Variants in CDIN1 observed in about 807,000 individuals in gnomAD.
The protein encoded by CDIN1 is CDAN1 interacting nuclease 1, also known as CDAN1-interacting nuclease 1.
A neutral mutation model predicts 45.3 loss-of-function variants in CDIN1; 33 were observed. That is an observed-to-expected ratio of 0.73 (90% confidence interval 0.55 to 0.97). The LOEUF is 0.97. CDIN1 is among the 50% of genes least tolerant of loss of function. The pLI is 0.00. For synonymous variants in CDIN1, 118 were observed against 124.4 expected, an observed-to-expected ratio of 0.95 and a Z score of 0.34; for missense variants, 303 against 339.4, an observed-to-expected ratio of 0.89 and a Z score of 0.84.
chr15:36,580,272 T>G (rs2036980925), intron 1 of CDIN1, among the ~76,000 whole-genome samples: 2 of 152,092 alleles, frequency 1.3e-5, no homozygotes, highest in African/African-American at 4.8e-5. Context: ...TGACCAGAGG[T>G]TAATTGACAG....
At chr15:36,777,300 A>G (rs1314504269) in intron 10 of CDIN1, among the ~76,000 whole-genome samples, 1 of 152,100 alleles carries the variant, frequency 6.6e-6, no homozygotes, top group African/African-American at 2.4e-5. Context: ...TCAGTTTCTA[A>G]GTAAATCTCT....
At chr15:36,638,087 T>G (rs981915384) in intron 1 of CDIN1, among the ~76,000 whole-genome samples, 2 of 152,226 alleles carry the variant, frequency 1.3e-5, no homozygotes, top group African/African-American at 4.8e-5. Flanking sequence ...TGGGTTTTTG[T>G]GTTTTATTTC....
intron 10 of CDIN1, among the ~76,000 whole-genome samples, chr15:36,786,787 C>G (rs1294464817): frequency 6.6e-6 from 1 of 152,160 alleles, no homozygotes; most frequent in Non-Finnish European, 1.5e-5. Flanking sequence ...TGTAACTGCT[C>G]TGATAGTACC....
At chr15:36,803,699 G>A (rs1326889733) in intron 10 of CDIN1, among the ~76,000 whole-genome samples, 11 of 152,166 alleles carry the variant, frequency 7.2e-5, no homozygotes, top group Admixed American at 7.2e-4. Context: ...GCTACAGCAC[G>A]AATCAAATCC....
At position 36,730,869 on chromosome 15, in the gene CDIN1, A is replaced by G. The variant is rs189506568; in HGVS notation, c.716+20908A>G. Among the ~76,000 whole-genome samples, 97 of 152,192 alleles carry G rather than the reference A, an allele frequency of 6.4e-4. No individual in the cohort carries two copies. The Middle Eastern group carries it at 0.014, about 21-fold the overall frequency. On this transcript the variant is annotated intron_variant, in intron 10 of 10. Coordinates refer to ENST00000566621, the MANE Select transcript of CDIN1 (RefSeq NM_001321759.2). ...GCTTGCTCATCGAATTCTTTTTTCT[A>G]ATTTTTAGTATTTCCTAAATCACCT...
At chr15:36,701,452 G>A (rs1439879805) in intron 8 of CDIN1, among the ~76,000 whole-genome samples, 1 of 152,090 alleles carries the variant, frequency 6.6e-6, no homozygotes, top group Non-Finnish European at 1.5e-5. Context: ...GACAGGAAAG[G>A]AAAAGAAAAT....
intron 10 of CDIN1, among the ~76,000 whole-genome samples, chr15:36,746,084 C>CT (rs2140954839): frequency 6.6e-6 from 1 of 152,240 alleles, no homozygotes; most frequent in South Asian, 2.1e-4. Context: ...TAAAGAAAAG[C>CT]TTCCTGTGAC....
intron 10 of CDIN1, among the ~76,000 whole-genome samples, chr15:36,782,742 A>G (rs1320571913): frequency 2.0e-5 from 3 of 152,224 alleles, no homozygotes; most frequent in African/African-American, 7.2e-5. Flanking sequence ...TTTTAGTCAG[A>G]TGACGTTTCA....
intron 10 of CDIN1, among the ~76,000 whole-genome samples, chr15:36,767,932 A>G (rs1251392449): frequency 2.0e-5 from 3 of 152,206 alleles, no homozygotes; most frequent in Non-Finnish European, 4.4e-5. Flanking sequence ...GGAAGCCCTG[A>G]GAAATTGGAA....
intron 10 of CDIN1, among the ~76,000 whole-genome samples, chr15:36,738,581 CT>C (rs1269686819): frequency 6.6e-6 from 1 of 152,146 alleles, no homozygotes; most frequent in African/African-American, 2.4e-5. Context: ...CTTCCTCAAA[CT>C]TGTCAAGTAC....
rs951513166 is a variant in CDIN1 at position 36,634,832 on chromosome 15, A to G, written c.102-9446A>G. Among the ~76,000 whole-genome samples, 113 of 152,340 alleles carry G rather than the reference A, an allele frequency of 7.4e-4. 1 individual carries two copies. The highest frequency in any genetic ancestry group is 2.5e-3 in the African/African-American group (106 of 41,578). ...ACAAAGTTCTCACAAATTTTGATAC[A>G]TACCACCATTGCTCAATTTTATGCA... is the stretch of plus-strand genomic sequence containing the variant. On this transcript the variant is annotated intron_variant, in intron 1 of 10. Coordinates refer to ENST00000566621, the MANE Select transcript of CDIN1 (RefSeq NM_001321759.2).
intron 10 of CDIN1, among the ~76,000 whole-genome samples, chr15:36,800,423 T>C (rs1595618017): frequency 6.6e-6 from 1 of 152,196 alleles, no homozygotes; most frequent in African/African-American, 2.4e-5. Context: ...TATGATGTTA[T>C]ATTACATGAT....
chr15:36,768,662 G>A (rs572998650), intron 10 of CDIN1, among the ~76,000 whole-genome samples: 2 of 152,306 alleles, frequency 1.3e-5, no homozygotes, highest in South Asian at 2.1e-4. Context: ...GAGAATATTT[G>A]TTAGTGGCCT....
At chr15:36,807,702 G>A (rs933515277) in intron 10 of CDIN1, among the ~76,000 whole-genome samples, 8 of 152,076 alleles carry the variant, frequency 5.3e-5, no homozygotes, top group Non-Finnish European at 1.0e-4. Flanking sequence ...CCTCATTTCC[G>A]TAAGCACCAA....
chr15:36,802,371 G>A (rs917451957), intron 10 of CDIN1, among the ~76,000 whole-genome samples: 3 of 152,154 alleles, frequency 2.0e-5, no homozygotes, highest in African/African-American at 7.2e-5. Flanking sequence ...ATAATGATTG[G>A]TCAAGGGCTC....
At chr15:36,585,152 G>A (rs12708544) in intron 1 of CDIN1, among the ~76,000 whole-genome samples, 55,169 of 151,610 alleles carry the variant, frequency 0.36, 10,120 homozygotes, top group Middle Eastern at 0.46. Flanking sequence ...AGAGTTTTTG[G>A]GATAATTTTA....
intron 10 of CDIN1, among the ~76,000 whole-genome samples, chr15:36,722,157 T>A (rs890457708): frequency 6.6e-6 from 1 of 152,212 alleles, no homozygotes; most frequent in African/African-American, 2.4e-5. Context: ...AACACATAGT[T>A]TAACAGATTT....
intron 1 of CDIN1, among the ~76,000 whole-genome samples, chr15:36,631,427 T>G (rs1471793987): frequency 6.6e-6 from 1 of 152,230 alleles, no homozygotes; most frequent in East Asian, 1.9e-4. Flanking sequence ...TTTCCCCTCC[T>G]TGTCCCTGAC....
chr15:36,759,317 C>G (rs113221670), intron 10 of CDIN1, among the ~76,000 whole-genome samples: 3 of 152,064 alleles, frequency 2.0e-5, no homozygotes, highest in African/African-American at 7.2e-5. Context: ...TGTCCTCTTC[C>G]CCTGAAAATG....
Sources: allele counts gnomAD v4.1 joint callset (sites outside exome capture counted in the v4.1 genomes callset), GRCh38; gene constraint gnomAD v4.1.1; transcripts MANE v1.5; gene names NCBI Gene and HGNC (gene_info 2026-07-23, HGNC 2026-07-21).